CCSER1: variants seen among roughly 807,000 people sequenced by gnomAD.
CCSER1 encodes coiled-coil serine rich protein 1.
Under a neutral mutation model 82.0 loss-of-function variants are expected in CCSER1, and 41 were observed. The ratio of observed to expected loss-of-function variants is 0.50; its 90% CI spans 0.39 to 0.65. The LOEUF (loss-of-function observed/expected upper bound fraction) is 0.65. Among genes scored for constraint, CCSER1 ranks in the 30% least tolerant of loss-of-function variants. CCSER1 has a pLI of 0.00. For synonymous variants in CCSER1, 414 were observed against 383.9 expected (o/e 1.08, Z -0.92); for missense variants, 1,119 against 1,064.2 (o/e 1.05, Z -0.72).
chr4:90,537,077 T>A (rs1167275237), intron 5 of CCSER1, among the ~76,000 whole-genome samples: 1 of 152,178 alleles, frequency 6.6e-6, no homozygotes, highest in African/African-American at 2.4e-5. Flanking sequence ...CTAATTGTTT[T>A]AATAGGATAT....
intron 9 of CCSER1, among the ~76,000 whole-genome samples, chr4:91,084,024 G>T (rs1462024242): frequency 7.2e-5 from 11 of 152,144 alleles, no homozygotes; most frequent in Non-Finnish European, 1.5e-5. Context: ...TCTGCTTTCT[G>T]GGTTCAAGCT....
intron 1 of CCSER1, among the ~76,000 whole-genome samples, chr4:90,170,656 A>G (rs539984341): frequency 1.2e-4 from 18 of 151,962 alleles, no homozygotes; most frequent in South Asian, 8.3e-4. Flanking sequence ...TTCATTTAAC[A>G]TAATGACCTC....
chr4:91,485,737 T>G (rs1758183934), intron 10 of CCSER1, among the ~76,000 whole-genome samples: 1 of 152,162 alleles, frequency 6.6e-6, no homozygotes, highest in South Asian at 2.1e-4. Context: ...CAGAAATTCT[T>G]GACTCTTAAA....
intron 1 of CCSER1, among the ~76,000 whole-genome samples, chr4:90,171,084 G>A (rs986879209): frequency 1.3e-5 from 2 of 151,276 alleles, no homozygotes; most frequent in African/African-American, 4.9e-5. Flanking sequence ...ATTTATGCCT[G>A]TTTCAAAAGA....
chr4:91,097,342 G>A (rs1383658853), intron 10 of CCSER1, among the ~76,000 whole-genome samples: 2 of 152,114 alleles, frequency 1.3e-5, no homozygotes, highest in African/African-American at 4.8e-5. Context: ...GCTGTTATTG[G>A]AAGTTACAGA....
rs529652206 is a variant in CCSER1, at chr4:90,302,001, G to T, written c.-41-6243G>T. ...ATTTCAGATTATTGAACTTTTTACA[G>T]TTTGGAAGACTTTTAATAAATATGC... On this transcript the variant is annotated intron_variant, in intron 1 of 10. Transcript: ENST00000509176. 3.9e-5 allele frequency among the ~76,000 whole-genome samples: 6 copies of T among 152,188 alleles called. 1 individual carries two copies. The South Asian group carries it at 1.2e-3, about 32-fold the overall frequency.
chr4:90,352,971 A>G (rs1157026636), intron 3 of CCSER1, among the ~76,000 whole-genome samples: 1 of 135,326 alleles, frequency 7.4e-6, no homozygotes, highest in Non-Finnish European at 1.6e-5. Context: ...TGCAATATGC[A>G]GAGCTATTTT....
chr4:91,344,327 A>G (rs1474208309), intron 10 of CCSER1, among the ~76,000 whole-genome samples: 1 of 152,216 alleles, frequency 6.6e-6, no homozygotes, highest in African/African-American at 2.4e-5. Flanking sequence ...TTTATAAGTT[A>G]CACAGTCTAA....
chr4:90,974,077 G>T (rs1735374539), intron 9 of CCSER1, among the ~76,000 whole-genome samples: 1 of 151,412 alleles, frequency 6.6e-6, no homozygotes, highest in African/African-American at 2.4e-5. Context: ...AAATGATGAG[G>T]CATTTGAATA....
chr4:91,123,388 G>A (rs1398055452), intron 10 of CCSER1, among the ~76,000 whole-genome samples: 1 of 151,504 alleles, frequency 6.6e-6, no homozygotes, highest in Non-Finnish European at 1.5e-5. Flanking sequence ...GCTTTTCAGG[G>A]AATGAGAAAA....
At chr4:90,742,659 T>C (rs940305900) in intron 7 of CCSER1, among the ~76,000 whole-genome samples, 9 of 152,164 alleles carry the variant, frequency 5.9e-5, no homozygotes, top group African/African-American at 2.2e-4. Flanking sequence ...AGCCACCCAG[T>C]TAATGGTACC....
At chr4:90,348,275 TA>T (rs1043556975) in intron 3 of CCSER1, among the ~76,000 whole-genome samples, 2 of 151,812 alleles carry the variant, frequency 1.3e-5, no homozygotes, top group East Asian at 1.9e-4. Flanking sequence ...AAATAAAAGT[TA>T]AAAAAAAGGT....
At chr4:91,203,451 G>T (rs1378705064) in intron 10 of CCSER1, among the ~76,000 whole-genome samples, 2 of 151,562 alleles carry the variant, frequency 1.3e-5, no homozygotes, top group Non-Finnish European at 2.9e-5. Flanking sequence ...TTGGACTATA[G>T]CAAGAAAAAA....
chr4:91,542,004 CTG>C (rs1761624457), intron 10 of CCSER1, among the ~76,000 whole-genome samples: 1 of 152,052 alleles, frequency 6.6e-6, no homozygotes, highest in African/African-American at 2.4e-5. Flanking sequence ...TTTCATGTGT[CTG>C]TTGGCTGCAT....
chr4:90,690,028 G>C (rs1023137868), intron 6 of CCSER1, among the ~76,000 whole-genome samples: 1 of 152,008 alleles, frequency 6.6e-6, no homozygotes, highest in Non-Finnish European at 1.5e-5. Flanking sequence ...GAATAAACTT[G>C]GGCCAGGTAT....
intron 4 of CCSER1, among the ~76,000 whole-genome samples, chr4:90,452,898 T>G (rs1761666271): frequency 6.6e-6 from 1 of 152,210 alleles, no homozygotes; most frequent in African/African-American, 2.4e-5. Context: ...AGACTAGACC[T>G]AGGTACTTCA....
At chr4:91,209,314 C>G (rs549109393) in intron 10 of CCSER1, among the ~76,000 whole-genome samples, 1 of 151,606 alleles carries the variant, frequency 6.6e-6, no homozygotes, top group East Asian at 1.9e-4. Context: ...ATTCTTTCAG[C>G]CTTTTTCTAT....
rs184086304 is a variant in CCSER1, at chr4:90,775,298, G to T, written c.2011-40464G>T. On this transcript the variant is annotated intron_variant, in intron 7 of 10. Coordinates refer to ENST00000509176, the MANE Select transcript of CCSER1 (RefSeq NM_001145065.2). ...AAAGTATAATAATAATTATTCTTTT[G>T]TTAACTCTTCTACAGCTTTGTGAGG... Among the ~76,000 whole-genome samples the T allele has an allele frequency of 1.6e-3, 243 of 152,180 alleles. 2 individuals carry two copies. The highest frequency in any genetic ancestry group is 2.6e-3 in the Non-Finnish European group (179 of 67,978).
At chr4:90,669,282 C>G (rs1732364176) in intron 6 of CCSER1, among the ~76,000 whole-genome samples, 1 of 151,944 alleles carries the variant, frequency 6.6e-6, no homozygotes, top group South Asian at 2.1e-4. Flanking sequence ...AAAATAAAAA[C>G]TTATTAAAAT....
Sources: allele counts gnomAD v4.1 joint callset (sites outside exome capture counted in the v4.1 genomes callset), GRCh38; gene constraint gnomAD v4.1.1; transcripts MANE v1.5; gene names NCBI Gene and HGNC (gene_info 2026-07-23, HGNC 2026-07-21).